EYS: variants seen among roughly 807,000 people sequenced by gnomAD.
The protein encoded by EYS is protein eyes shut homolog.
Under a neutral mutation model 282.1 loss-of-function variants are expected in EYS, and 250 were observed. The ratio of observed to expected loss-of-function variants is 0.89; its 90% CI spans 0.80 to 0.98. EYS has a LOEUF of 0.98. Among genes scored for constraint, EYS ranks in the 50% least tolerant of loss-of-function variants. The pLI, the probability that EYS is intolerant of heterozygous loss-of-function variation, is 0.00. For synonymous variants in EYS, 1,355 were observed against 1,282.9 expected, an observed-to-expected ratio of 1.06 and a Z score of -1.20; for missense variants, 4,016 against 3,709.0, an observed-to-expected ratio of 1.08 and a Z score of -2.15.
intron 26 of EYS, among the ~76,000 whole-genome samples, chr6:64,522,272 A>G (rs1362233194): frequency 6.6e-6 from 1 of 151,778 alleles, no homozygotes; most frequent in Non-Finnish European, 1.5e-5. Context: ...TAGGGCAGAT[A>G]TCACCATATA....
chr6:65,512,693 G>A (rs1766943761), intron 2 of EYS, among the ~76,000 whole-genome samples: 1 of 151,702 alleles, frequency 6.6e-6, no homozygotes, highest in African/African-American at 2.4e-5. Flanking sequence ...ATGACTACTG[G>A]GCACATAATG....
chr6:65,495,091 G>C lies in EYS; in HGVS notation c.320C>G (p.Ser107Cys), dbSNP rs963909879. 1.2e-6 allele frequency: 2 copies of C among 1,614,062 alleles called. No individual in the cohort carries two copies. Among genetic ancestry groups the C allele is most frequent in the African/African-American group, 2.7e-5 (2 of 74,920 alleles). The part of the protein sequence containing the change: ...QFPEINLMNV[S>C]ETSFVGCVQN... ...CACACAGCCAACGAAAGATGTTTCA[G>C]AAACATTCATCAAATTTATTTCTGG... Residue 107 changes from serine to cysteine, a missense_variant, in exon 4 of 43, where the codon TCT becomes TGT. Coordinates refer to ENST00000503581, the MANE Select transcript of EYS (RefSeq NM_001142800.2).
At chr6:64,698,676 C>A (rs7745853) in intron 22 of EYS, among the ~76,000 whole-genome samples, 121,558 of 152,138 alleles carry the variant, frequency 0.8, 48,939 homozygotes, top group Non-Finnish European at 0.86. Flanking sequence ...GGACATGAAC[C>A]GACTCTTTTC....
chr6:65,230,999 T>C (rs935918276), intron 12 of EYS, among the ~76,000 whole-genome samples: 1 of 149,426 alleles, frequency 6.7e-6, no homozygotes, highest in African/African-American at 2.4e-5. Flanking sequence ...CAAACCTCCA[T>C]GATACTAGTT....
chr6:64,791,788 G>C lies in EYS; in HGVS notation c.3443+21590C>G, dbSNP rs573683209. Among the ~76,000 whole-genome samples, 8 of 151,882 alleles carry C rather than the reference G, an allele frequency of 5.3e-5. No individual in the cohort carries two copies. In the East Asian group the frequency reaches 1.3e-3, roughly 26 times the overall value. On this transcript the variant is annotated intron_variant, in intron 22 of 42. Coordinates refer to ENST00000503581, the MANE Select transcript of EYS (RefSeq NM_001142800.2). ...CATATTAAAGGAAAAATTATGCTATGTCTCACAATATTGCATTATTTCCAG... is the reference window on the plus strand; with the variant it reads ...CATATTAAAGGAAAAATTATGCTATCTCTCACAATATTGCATTATTTCCAG...
At chr6:63,885,259 G>T (rs1055029346) in intron 35 of EYS, among the ~76,000 whole-genome samples, 3 of 152,116 alleles carry the variant, frequency 2.0e-5, no homozygotes, top group African/African-American at 7.2e-5. Context: ...TACATCTTTT[G>T]TCATCTGGGT....
chr6:63,729,527 T>G (rs538660327), intron 41 of EYS, among the ~76,000 whole-genome samples: 85 of 152,080 alleles, frequency 5.6e-4, no homozygotes, highest in African/African-American at 2.0e-3. Flanking sequence ...AGATTCTTTT[T>G]TTTTTTTCTT....
chr6:64,840,277 T>C (rs2150034313), intron 19 of EYS, among the ~76,000 whole-genome samples: 1 of 152,238 alleles, frequency 6.6e-6, no homozygotes, highest in South Asian at 2.1e-4. Flanking sequence ...TAAGTAAAGA[T>C]AACTGGTGCC....
intron 38 of EYS, 117 bp downstream of exon 38, chr6:63,788,941 G>T: frequency 1.0e-6 from 1 of 1,002,844 alleles, no homozygotes; most frequent in Non-Finnish European, 1.5e-6. Flanking sequence ...TGGTACAATA[G>T]TCTGTGAACT....
rs538823985 is a variant in EYS, at chr6:63,952,500, A to C, written c.7055+31883T>G. Among the ~76,000 whole-genome samples, 134 of 152,028 alleles carry C rather than the reference A, an allele frequency of 8.8e-4. 1 individual carries two copies. Among genetic ancestry groups the C allele is most frequent in the African/African-American group, 3.1e-3 (130 of 41,472 alleles). On this transcript the variant is annotated intron_variant, in intron 35 of 42. Transcript: ENST00000503581. ...TACCTTTTTTTCAAGGGCCTGTTAC[A>C]CTTGCCTCCATAACTGTTGTAGGTA...
At chr6:64,090,434 G>A (rs1260204948) in intron 31 of EYS, among the ~76,000 whole-genome samples, 2 of 152,034 alleles carry the variant, frequency 1.3e-5, no homozygotes, top group African/African-American at 4.8e-5. Context: ...TCTTTGAAAT[G>A]TAATCTTTTT....
chr6:63,751,642 GTAGCAAAAATGAAAGCTGAGCA>G, intron 41 of EYS, among the ~76,000 whole-genome samples: 3 of 152,134 alleles, frequency 2.0e-5, no homozygotes, highest in African/African-American at 7.2e-5. Context: ...CCTAGTTACT[GTAGCAAAAATGAAAGCTGAGCA>G]TCTTTCTTTG....
intron 5 of EYS, among the ~76,000 whole-genome samples, chr6:65,421,950 T>C (rs1312919478): frequency 6.6e-6 from 1 of 151,852 alleles, no homozygotes. Flanking sequence ...CCCATGTAGA[T>C]ATAACAATAA....
intron 2 of EYS, among the ~76,000 whole-genome samples, chr6:65,602,309 A>G (rs1765641537): frequency 6.6e-6 from 1 of 151,912 alleles, no homozygotes; most frequent in Non-Finnish European, 1.5e-5. Flanking sequence ...TATAATAGAA[A>G]CACATGTAAT....
At chr6:65,026,660 G>A (rs1016571880) in intron 13 of EYS, among the ~76,000 whole-genome samples, 6 of 152,180 alleles carry the variant, frequency 3.9e-5, no homozygotes, top group African/African-American at 1.4e-4. Context: ...GCTCTCTCCT[G>A]TAATCCCAGC....
At chr6:65,380,483 A>G (rs1765567602) in intron 8 of EYS, among the ~76,000 whole-genome samples, 1 of 152,220 alleles carries the variant, frequency 6.6e-6, no homozygotes, top group South Asian at 2.1e-4. Flanking sequence ...AGGTGGATTA[A>G]AGACGTAAAT....
chr6:65,369,298 T>TTA (rs1467665236), intron 8 of EYS, among the ~76,000 whole-genome samples: 16 of 70,850 alleles, frequency 2.3e-4, no homozygotes, highest in Non-Finnish European at 4.5e-4. Flanking sequence ...ATATATATAT[T>TTA]TATGTATAAT....
At chr6:64,748,352 A>G (rs1772626024) in intron 22 of EYS, among the ~76,000 whole-genome samples, 1 of 152,230 alleles carries the variant, frequency 6.6e-6, no homozygotes, top group African/African-American at 2.4e-5. Flanking sequence ...CAATTTTTCC[A>G]CAGACAGGGT....
intron 30 of EYS, among the ~76,000 whole-genome samples, chr6:64,303,277 A>G (rs1314708220): frequency 6.6e-6 from 1 of 152,234 alleles, no homozygotes; most frequent in Non-Finnish European, 1.5e-5. Context: ...AGTGCCAAGT[A>G]ACACTACAGG....
Sources: gnomAD v4.1 joint callset for allele counts (sites outside exome capture counted in the v4.1 genomes callset) on GRCh38, gnomAD v4.1.1 for gene constraint, MANE v1.5 for transcripts, NCBI Gene and HGNC (gene_info 2026-07-23, HGNC 2026-07-21) for gene names.